FERMT2: variants seen among roughly 807,000 people sequenced by gnomAD.
FERMT2 encodes FERM domain containing kindlin 2.
A neutral mutation model predicts 82.7 loss-of-function variants in FERMT2; 15 were observed. That is an observed-to-expected ratio of 0.18 (90% CI 0.12 to 0.28). The LOEUF is 0.28. Ranked by LOEUF, FERMT2 falls within the 10% of genes least tolerant of loss-of-function variation. FERMT2 has a pLI of 1.00. For missense variants in FERMT2, 645 were observed against 809.4 expected, an observed-to-expected ratio of 0.80 and a Z score of 2.46; for synonymous variants, 274 against 271.5, an observed-to-expected ratio of 1.01 and a Z score of -0.09.
intron 9 of FERMT2, 72 bp from the exon 10 acceptor site, chr14:52,872,995 C>T: frequency 6.9e-7 from 1 of 1,443,576 alleles, no homozygotes; most frequent in Non-Finnish European, 9.6e-7. Flanking sequence ...AGCAAAGTTT[C>T]ACAATATTAA....
At chr14:52,912,577 C>G (rs1408801311) in intron 3 of FERMT2, among the ~76,000 whole-genome samples, 1 of 150,324 alleles carries the variant, frequency 6.7e-6, no homozygotes, top group African/African-American at 2.5e-5. Context: ...GTGGTGTCAT[C>G]ATGGCTCACT....
intron 2 of FERMT2, among the ~76,000 whole-genome samples, chr14:52,936,454 C>T (rs551995873): frequency 1.6e-3 from 250 of 152,278 alleles, no homozygotes; most frequent in African/African-American, 5.8e-3. Flanking sequence ...CTTTTATGGG[C>T]ATCTCACAGC....
intron 2 of FERMT2, among the ~76,000 whole-genome samples, chr14:52,948,761 C>G (rs1890478156): frequency 6.6e-6 from 1 of 152,136 alleles, no homozygotes; most frequent in African/African-American, 2.4e-5. Flanking sequence ...TTAGCTACAG[C>G]CTGGCTTTCG....
chr14:52,895,561 A>G (rs1268406147), intron 3 of FERMT2, among the ~76,000 whole-genome samples: 1 of 152,246 alleles, frequency 6.6e-6, no homozygotes, highest in Non-Finnish European at 1.5e-5. Flanking sequence ...TATTATATTA[A>G]GTGGAAGATA....
At chr14:52,921,075 T>C (rs1231284603) in intron 2 of FERMT2, among the ~76,000 whole-genome samples, 1 of 152,224 alleles carries the variant, frequency 6.6e-6, no homozygotes, top group Admixed American at 6.5e-5. Flanking sequence ...TTTAAAAGTA[T>C]GTATTAATCT....
At chr14:52,881,760 C>T in intron 4 of FERMT2, 2 of 1,332,610 alleles carry the variant, frequency 1.5e-6, no homozygotes, top group South Asian at 1.2e-5. Context: ...GCAGACAGAC[C>T]AACACTTTTT....
chr14:52,902,330 T>C (rs1407574449), intron 3 of FERMT2, among the ~76,000 whole-genome samples: 4 of 149,482 alleles, frequency 2.7e-5, no homozygotes, highest in Non-Finnish European at 6.0e-5. Context: ...GAGGCGGAGG[T>C]TGCAGTGAGC....
chr14:52,880,784 T>TAAAC (rs4027190), intron 6 of FERMT2, among the ~76,000 whole-genome samples: 6,383 of 152,088 alleles, frequency 0.042, 332 homozygotes, highest in African/African-American at 0.13. Flanking sequence ...AAAAAAAAGA[T>TAAAC]AAAACCAAAT....
At chr14:52,906,465 C>G (rs2139597088) in intron 3 of FERMT2, among the ~76,000 whole-genome samples, 1 of 121,552 alleles carries the variant, frequency 8.2e-6, no homozygotes, top group Admixed American at 1.1e-4. Context: ...ATTTGGTGAT[C>G]AGAAAAAAAT....
chr14:52,888,064 G>A (rs1419077255), intron 4 of FERMT2, among the ~76,000 whole-genome samples: 4 of 151,822 alleles, frequency 2.6e-5, no homozygotes, highest in East Asian at 1.9e-4. Context: ...CATTATATAC[G>A]TTTATTTCTA....
At chr14:52,919,021 T>G (rs540406019) in intron 3 of FERMT2, 102 bp downstream of exon 3, 1 of 719,682 alleles carries the variant, frequency 1.4e-6, no homozygotes. Context: ...TATATACAGA[T>G]AGTTCAGCCC....
chr14:52,896,678 T>TC (rs1248505793), intron 3 of FERMT2, among the ~76,000 whole-genome samples: 3 of 152,136 alleles, frequency 2.0e-5, no homozygotes, highest in Non-Finnish European at 1.5e-5. Context: ...TTAATGTTTT[T>TC]CCTCTAATTA....
At chr14:52,938,385 T>C (rs1229981715) in intron 2 of FERMT2, among the ~76,000 whole-genome samples, 1 of 152,228 alleles carries the variant, frequency 6.6e-6, no homozygotes, top group Non-Finnish European at 1.5e-5. Flanking sequence ...ATAGTCATTC[T>C]ACTAATTATC....
intron 3 of FERMT2, among the ~76,000 whole-genome samples, chr14:52,905,487 G>A (rs752144530): frequency 2.5e-4 from 38 of 152,222 alleles, no homozygotes; most frequent in Non-Finnish European, 5.1e-4. Context: ...GAACAAGAAT[G>A]GATAAAGGAG....
rs141887548 is a variant in FERMT2, at chr14:52,919,215, C to G, written c.299G>C (p.Arg100Pro). 2.5e-6 allele frequency: 4 copies of G among 1,613,986 alleles called. No individual in the cohort carries two copies. The highest frequency in any genetic ancestry group is 3.4e-6 in the Non-Finnish European group (4 of 1,179,962). ...LQFTPQHKLL[R>P]LQLPNMKYVK... ...ATACTTCATGTTGGGAAGCTGCAGGCGGAGCAGTTTGTGCTGAGGGGTGAA... is the reference window on the plus strand; with the variant it reads ...ATACTTCATGTTGGGAAGCTGCAGGGGGAGCAGTTTGTGCTGAGGGGTGAA... The change falls in exon 3 of 15, where the codon CGC becomes CCC. Residue 100 changes from arginine (R) to proline (P), a missense_variant. By Grantham distance (103) the Arg-to-Pro change is moderately radical. Coordinates refer to ENST00000341590, the MANE Select transcript of FERMT2 (RefSeq NM_006832.3).
intron 2 of FERMT2, among the ~76,000 whole-genome samples, chr14:52,932,960 T>G (rs1889656058): frequency 6.6e-6 from 1 of 152,160 alleles, no homozygotes; most frequent in Non-Finnish European, 1.5e-5. Flanking sequence ...TGAACTCTGC[T>G]GAATCTTATT....
chr14:52,862,764 G>A (rs1279845932), intron 12 of FERMT2: 1 of 152,220 alleles, frequency 6.6e-6, no homozygotes, highest in Non-Finnish European at 1.5e-5. Context: ...ATGGCAACAT[G>A]AAAGGCAAGG....
intron 2 of FERMT2, among the ~76,000 whole-genome samples, chr14:52,946,764 C>G (rs1187017452): frequency 3.4e-4 from 51 of 152,114 alleles, no homozygotes; most frequent in Non-Finnish European, 2.9e-5. Context: ...CCTCCGCCTC[C>G]CAGGTTCAAG....
chr14:52,898,285 G>T (rs1283774257), intron 3 of FERMT2, among the ~76,000 whole-genome samples: 2 of 151,892 alleles, frequency 1.3e-5, no homozygotes, highest in Admixed American at 6.6e-5. Context: ...GGCATATCTG[G>T]TTTTTTTAAA....
Sources: gnomAD v4.1 joint callset for allele counts (sites outside exome capture counted in the v4.1 genomes callset) on GRCh38, gnomAD v4.1.1 for gene constraint, MANE v1.5 for transcripts, NCBI Gene and HGNC (gene_info 2026-07-23, HGNC 2026-07-21) for gene names.